Variants in RETREG1 observed in about 807,000 individuals in gnomAD.
RETREG1 encodes reticulophagy regulator 1.
Under a neutral mutation model 54.8 loss-of-function variants are expected in RETREG1, and 44 were observed. That is an observed-to-expected ratio of 0.80 (90% confidence interval 0.63 to 1.03). The LOEUF (loss-of-function observed/expected upper bound fraction) is 1.03. Ranked by LOEUF, RETREG1 falls within the 50% of genes least tolerant of loss-of-function variation. The pLI, the probability that RETREG1 is intolerant of heterozygous loss-of-function variation, is 0.00. For missense variants in RETREG1, 554 were observed against 605.1 expected, an observed-to-expected ratio of 0.92 and a Z score of 0.89; for synonymous variants, 217 against 238.5, an observed-to-expected ratio of 0.91 and a Z score of 0.83.
intron 3 of RETREG1, among the ~76,000 whole-genome samples, chr5:16,524,816 G>C (rs564932446): frequency 1.3e-5 from 2 of 152,366 alleles, no homozygotes; most frequent in African/African-American, 4.8e-5. Context: ...CCGTATGAGA[G>C]GCCAGGAAAC....
intron 3 of RETREG1, among the ~76,000 whole-genome samples, chr5:16,542,995 C>G (rs1380498809): frequency 6.6e-6 from 1 of 152,226 alleles, no homozygotes; most frequent in African/African-American, 2.4e-5. Context: ...CTTCCCTGCA[C>G]CATTCCTTCC....
intron 3 of RETREG1, among the ~76,000 whole-genome samples, chr5:16,557,362 A>T (rs1014543828): frequency 6.6e-6 from 1 of 152,182 alleles, no homozygotes; most frequent in Non-Finnish European, 1.5e-5. Context: ...ACAGTTCTCC[A>T]CATCCTTTTA....
intron 3 of RETREG1, among the ~76,000 whole-genome samples, chr5:16,501,067 T>A (rs1241945915): frequency 6.6e-6 from 1 of 152,202 alleles, no homozygotes; most frequent in Non-Finnish European, 1.5e-5. Flanking sequence ...TGTGACCTAT[T>A]TTGTATTGCT....
chr5:16,513,564 C>A (rs1740250173), intron 3 of RETREG1, among the ~76,000 whole-genome samples: 1 of 152,184 alleles, frequency 6.6e-6, no homozygotes, highest in Non-Finnish European at 1.5e-5. Flanking sequence ...ATCCGATGGA[C>A]CGGCTCTTTT....
At chr5:16,606,969 T>TC (rs1743207355) in intron 1 of RETREG1, among the ~76,000 whole-genome samples, 1 of 151,940 alleles carries the variant, frequency 6.6e-6, no homozygotes, top group Non-Finnish European at 1.5e-5. Flanking sequence ...AACACCCCAA[T>TC]CCCACTCCCA....
chr5:16,502,240 G>A lies in RETREG1; in HGVS notation c.459-18768C>T, dbSNP rs527309908. 1.1e-3 allele frequency among the ~76,000 whole-genome samples: 164 copies of A among 152,286 alleles called. 1 individual carries two copies. The highest frequency in any genetic ancestry group is 2.7e-3 in the South Asian group (13 of 4,822). On this transcript the variant is annotated intron_variant, in intron 3 of 8. Coordinates refer to ENST00000306320, the MANE Select transcript of RETREG1 (RefSeq NM_001034850.3). Reference sequence around the variant, plus strand: ...CCCAAAGTGCTGGGATTACAGGCGTGAGCCACCATGCCCAGCCTAAGTAAG... The same window carrying A: ...CCCAAAGTGCTGGGATTACAGGCGTAAGCCACCATGCCCAGCCTAAGTAAG...
intron 3 of RETREG1, among the ~76,000 whole-genome samples, chr5:16,517,635 C>A (rs1417321530): frequency 6.6e-6 from 1 of 152,092 alleles, no homozygotes; most frequent in Non-Finnish European, 1.5e-5. Context: ...CTCCATGCTG[C>A]GTTACTGTCT....
chr5:16,550,342 T>C (rs933832224), intron 3 of RETREG1, among the ~76,000 whole-genome samples: 3 of 152,034 alleles, frequency 2.0e-5, no homozygotes, highest in Non-Finnish European at 4.4e-5. Context: ...CTTGGGTTCC[T>C]CCCTTAGAAG....
At chr5:16,516,123 C>T (rs1579635273) in intron 3 of RETREG1, among the ~76,000 whole-genome samples, 2 of 150,996 alleles carry the variant, frequency 1.3e-5, no homozygotes, top group South Asian at 4.2e-4. Context: ...TACCATGCAC[C>T]CCAAATGTCT....
At chr5:16,526,007 T>C (rs976494608) in intron 3 of RETREG1, among the ~76,000 whole-genome samples, 1 of 152,234 alleles carries the variant, frequency 6.6e-6, no homozygotes, top group African/African-American at 2.4e-5. Context: ...GAAGATAATC[T>C]GCCCTACTCA....
chr5:16,529,233 T>C (rs1740836274), intron 3 of RETREG1, among the ~76,000 whole-genome samples: 1 of 152,252 alleles, frequency 6.6e-6, no homozygotes, highest in South Asian at 2.1e-4. Flanking sequence ...TCACACATTT[T>C]TACTTAAGAC....
intron 3 of RETREG1, among the ~76,000 whole-genome samples, chr5:16,511,491 G>C (rs1012854946): frequency 2.6e-5 from 4 of 152,128 alleles, no homozygotes; most frequent in Non-Finnish European, 5.9e-5. Flanking sequence ...GGTTTCTCAG[G>C]CTATAACCCC....
intron 3 of RETREG1, among the ~76,000 whole-genome samples, chr5:16,516,988 G>A (rs919188080): frequency 6.6e-6 from 1 of 152,118 alleles, no homozygotes; most frequent in African/African-American, 2.4e-5. Context: ...CCGTATATGT[G>A]AGGCTTGAAG....
At chr5:16,488,353 C>T (rs948311263) in intron 3 of RETREG1, among the ~76,000 whole-genome samples, 2 of 152,330 alleles carry the variant, frequency 1.3e-5, no homozygotes, top group East Asian at 1.9e-4. Context: ...TCACCCAGCT[C>T]GCTGCCTTGA....
chr5:16,616,508 A>C, intron 1 of RETREG1, 144 bp downstream of exon 1: 1 of 1,390,706 alleles, frequency 7.2e-7, no homozygotes, highest in Non-Finnish European at 9.6e-7. Context: ...CCTGTTCGAG[A>C]CAGGTGGCCG....
chr5:16,531,831 G>C (rs1015318638), intron 3 of RETREG1, among the ~76,000 whole-genome samples: 1 of 152,128 alleles, frequency 6.6e-6, no homozygotes, highest in Admixed American at 6.5e-5. Flanking sequence ...CACTGAGTTT[G>C]GCTGCTCTTT....
At chr5:16,554,541 A>G (rs2126619121) in intron 3 of RETREG1, among the ~76,000 whole-genome samples, 1 of 152,302 alleles carries the variant, frequency 6.6e-6, no homozygotes, top group East Asian at 1.9e-4. Flanking sequence ...TCATTATAGG[A>G]AAAATAATGT....
At chr5:16,517,026 C>T (rs916722934) in intron 3 of RETREG1, among the ~76,000 whole-genome samples, 6 of 152,082 alleles carry the variant, frequency 3.9e-5, no homozygotes, top group Non-Finnish European at 8.8e-5. Flanking sequence ...GGGAACAATA[C>T]TGAGTGAGGA....
chr5:16,516,424 T>C (rs1458470777), intron 3 of RETREG1, among the ~76,000 whole-genome samples: 1 of 152,212 alleles, frequency 6.6e-6, no homozygotes, highest in Non-Finnish European at 1.5e-5. Flanking sequence ...ATGTTGTCTG[T>C]AGAACAGCAC....
Sources: allele counts gnomAD v4.1 joint callset (sites outside exome capture counted in the v4.1 genomes callset), GRCh38; gene constraint gnomAD v4.1.1; transcripts MANE v1.5; gene names NCBI Gene and HGNC (gene_info 2026-07-23, HGNC 2026-07-21).